SLC35F3: variants seen among roughly 807,000 people sequenced by gnomAD.
SLC35F3 encodes the protein putative thiamine transporter SLC35F3.
A neutral mutation model predicts 49.9 loss-of-function variants in SLC35F3; 25 were observed. The observed-to-expected ratio is 0.50, with a 90% CI of 0.37 to 0.70. The LOEUF (loss-of-function observed/expected upper bound fraction) is 0.70. Among genes scored for constraint, SLC35F3 ranks in the 30% least tolerant of loss-of-function variants. SLC35F3 has a pLI of 0.00. For missense variants in SLC35F3, 525 were observed against 639.8 expected (o/e 0.82, Z 1.94); for synonymous variants, 275 against 265.4 (o/e 1.04, Z -0.35).
chr1:234,281,983 G>T (rs192396785), intron 3 of SLC35F3, among the ~76,000 whole-genome samples: 1 of 151,988 alleles, frequency 6.6e-6, no homozygotes, highest in Non-Finnish European at 1.5e-5. Context: ...CTTAAGCGCT[G>T]TTTTTTTCCA....
At chr1:234,088,276 C>T (rs574364394) in intron 2 of SLC35F3, among the ~76,000 whole-genome samples, 39 of 152,292 alleles carry the variant, frequency 2.6e-4, no homozygotes, top group African/African-American at 8.9e-4. Flanking sequence ...GGCGCGATCT[C>T]GGCTCACTGC....
In SLC35F3 at chr1:234,070,365, A is replaced by G. The variant is rs564265873; in HGVS notation, c.284-161052A>G. Among the ~76,000 whole-genome samples the G allele has an allele frequency of 1.8e-3, 279 of 152,290 alleles. 1 individual carries two copies. Among genetic ancestry groups the G allele is most frequent in the African/African-American group, 6.2e-3 (258 of 41,562 alleles). On this transcript the variant is annotated intron_variant, in intron 2 of 7. Transcript: ENST00000366618. Reference sequence around the variant, plus strand: ...AGCACAGCACATCAAAATAGAAAACATGGTTTTTATGCCTTCATTTCCCAG... The same window carrying G: ...AGCACAGCACATCAAAATAGAAAACGTGGTTTTTATGCCTTCATTTCCCAG...
At chr1:233,951,295 A>G (rs190941846) in intron 2 of SLC35F3, among the ~76,000 whole-genome samples, 89 of 152,090 alleles carry the variant, frequency 5.9e-4, no homozygotes, top group African/African-American at 1.9e-3. Flanking sequence ...TAGTTAGTGT[A>G]GCCTAAGTGT....
intron 3 of SLC35F3, among the ~76,000 whole-genome samples, chr1:234,260,040 G>C (rs1214454674): frequency 1.3e-5 from 2 of 152,090 alleles, no homozygotes; most frequent in Admixed American, 6.5e-5. Context: ...GGACAGGTGG[G>C]GAAAGGGTGT....
Position 234,009,669 on chromosome 1 carries a change from G to A in SLC35F3, c.283+103911G>A, listed in dbSNP as rs117155454. Among the ~76,000 whole-genome samples the A allele has an allele frequency of 6.1e-4, 93 of 152,210 alleles. 2 individuals carry two copies. In the East Asian group the frequency reaches 0.013, roughly 22 times the overall value. On this transcript the variant is annotated intron_variant, in intron 2 of 7. Coordinates refer to ENST00000366618, the MANE Select transcript of SLC35F3 (RefSeq NM_173508.4). ...CCTTCACTTGTCAGAGTTCAGATAC[G>A]TAAAGGATCTATGTTACTCTGTGAG...
intron 2 of SLC35F3, among the ~76,000 whole-genome samples, chr1:234,109,603 T>C (rs1273232743): frequency 6.6e-6 from 1 of 152,234 alleles, no homozygotes; most frequent in Non-Finnish European, 1.5e-5. Context: ...ATAATATGTA[T>C]GTCCTCATTC....
chr1:233,923,467 G>A (rs903328624), intron 2 of SLC35F3, among the ~76,000 whole-genome samples: 13 of 152,064 alleles, frequency 8.5e-5, no homozygotes, highest in African/African-American at 2.9e-4. Flanking sequence ...TTGGTGTATA[G>A]GAATTCTTGT....
At chr1:234,088,591 A>G (rs1179227140) in intron 2 of SLC35F3, among the ~76,000 whole-genome samples, 1 of 152,232 alleles carries the variant, frequency 6.6e-6, no homozygotes, top group African/African-American at 2.4e-5. Flanking sequence ...CTAACTCAAT[A>G]GAAGTACCGA....
intron 7 of SLC35F3, among the ~76,000 whole-genome samples, chr1:234,321,233 TG>T (rs1657614006): frequency 1.3e-5 from 2 of 151,358 alleles, no homozygotes. Flanking sequence ...GCGGCGGCAG[TG>T]TACCAGGCCT....
chr1:234,002,285 T>G (rs1467133792), intron 2 of SLC35F3, among the ~76,000 whole-genome samples: 2 of 152,208 alleles, frequency 1.3e-5, no homozygotes, highest in South Asian at 4.1e-4. Context: ...AGGCCACATT[T>G]TATTTAGGTG....
rs57212873 is a variant in SLC35F3, at chr1:234,271,486, G to A, written c.609-37615G>A. ...ACCTTCTCTGGTTCAGAGTTTTTTC[G>A]TTTTGTGAAAGAGAAATAATGCTCT... On this transcript the variant is annotated intron_variant, in intron 3 of 7. Coordinates refer to ENST00000366618, the MANE Select transcript of SLC35F3 (RefSeq NM_173508.4). Among the ~76,000 whole-genome samples the A allele has an allele frequency of 4.1e-3, 630 of 152,148 alleles. 4 individuals are homozygous for A. The highest frequency in any genetic ancestry group is 6.5e-3 in the Non-Finnish European group (445 of 67,976).
chr1:234,140,002 A>AATAAAATAAATAAAATAAAATAAAAT, intron 2 of SLC35F3, among the ~76,000 whole-genome samples: 2 of 105,480 alleles, frequency 1.9e-5, no homozygotes, highest in South Asian at 2.6e-4. Flanking sequence ...AATAAAATAA[A>AATAAAATAAATAAAATAAAATAAAAT]GTAAGTGACT....
At position 234,316,728 on chromosome 1, in the gene SLC35F3, G is replaced by T; in HGVS notation, c.954+1G>T. 6.2e-7 allele frequency: 1 copy of T among 1,603,506 alleles called. No homozygotes were observed. The highest frequency in any genetic ancestry group is 8.5e-7 in the Non-Finnish European group (1 of 1,171,240). On this transcript the variant is annotated splice_donor_variant, in intron 5 of 7. Transcript: ENST00000366618. LOFTEE classifies it high-confidence loss of function. ...AGCATCGATGTCTGCCCTCTACAAG[G>T]TACGCCCGGGGAGTGAACTTTCTCA... is the stretch of plus-strand genomic sequence containing the variant.
chr1:234,212,909 A>G (rs542092769), intron 2 of SLC35F3: 1 of 152,338 alleles, frequency 6.6e-6, no homozygotes, highest in East Asian at 1.9e-4. Context: ...TAAGAGGCGT[A>G]TAATGTGGAG....
At chr1:234,284,605 T>C (rs977362059) in intron 3 of SLC35F3, among the ~76,000 whole-genome samples, 1 of 152,202 alleles carries the variant, frequency 6.6e-6, no homozygotes, top group Admixed American at 6.5e-5. Flanking sequence ...GTGCCTTTGA[T>C]TGTGATCGTG....
chr1:234,089,617 G>A (rs1665011016), intron 2 of SLC35F3, among the ~76,000 whole-genome samples: 1 of 152,180 alleles, frequency 6.6e-6, no homozygotes, highest in Non-Finnish European at 1.5e-5. Flanking sequence ...AGGGAGGGAG[G>A]TCAGGTGTAC....
intron 2 of SLC35F3, among the ~76,000 whole-genome samples, chr1:234,056,529 C>G (rs1315145522): frequency 3.3e-5 from 5 of 152,290 alleles, no homozygotes; most frequent in Admixed American, 6.5e-5. Context: ...GCTATTCCCC[C>G]CTCCACCCAG....
chr1:233,988,859 A>T (rs552308283), intron 2 of SLC35F3, among the ~76,000 whole-genome samples: 3 of 151,992 alleles, frequency 2.0e-5, no homozygotes, highest in African/African-American at 7.2e-5. Context: ...TTCCAACCCT[A>T]CTCCTGCCCA....
At chr1:234,118,354 A>G (rs1483918712) in intron 2 of SLC35F3, among the ~76,000 whole-genome samples, 1 of 152,150 alleles carries the variant, frequency 6.6e-6, no homozygotes, top group Non-Finnish European at 1.5e-5. Flanking sequence ...TCGGATTTCC[A>G]TCTCCATTGA....
Sources: allele counts gnomAD v4.1 joint callset (sites outside exome capture counted in the v4.1 genomes callset), GRCh38; gene constraint gnomAD v4.1.1; transcripts MANE v1.5; gene names NCBI Gene and HGNC (gene_info 2026-07-23, HGNC 2026-07-21).